The following CCDC172 variants were observed in gnomAD, a reference collection of about 807,000 sequenced individuals.
The protein encoded by CCDC172 is coiled-coil domain containing 172, also known as coiled-coil domain-containing protein 172.
CCDC172 carries 30 observed loss-of-function variants against 38.0 expected under a neutral mutation model. That is an observed-to-expected ratio of 0.79 (90% CI 0.59 to 1.07). The LOEUF is 1.07. Ranked by LOEUF, CCDC172 falls within the 50% of genes least tolerant of loss-of-function variation. CCDC172 has a pLI of 0.00. For missense variants in CCDC172, 297 were observed against 290.1 expected (o/e 1.02, Z -0.17); for synonymous variants, 78 against 88.3 (o/e 0.88, Z 0.66).
At position 116,353,533 on chromosome 10, in the gene CCDC172, A is replaced by G. The variant is rs779636916; in HGVS notation, c.449-3847A>G. ...ATTAAAAACTCTTACAACTTAATAA[A>G]AAGATAACCCAATTTAAAAATGGAC... is the stretch of plus-strand genomic sequence containing the variant. On this transcript the variant is annotated intron_variant, in intron 5 of 8. Transcript: ENST00000333254. 1.1e-4 allele frequency among the ~76,000 whole-genome samples: 16 copies of G among 152,140 alleles called. No homozygotes were observed. The South Asian group carries it at 1.2e-3, about 12-fold the overall frequency.
At chr10:116,328,632 T>G (rs1177859227) in intron 3 of CCDC172, among the ~76,000 whole-genome samples, 1 of 152,186 alleles carries the variant, frequency 6.6e-6, no homozygotes, top group African/African-American at 2.4e-5. Flanking sequence ...TTTCCAATTT[T>G]AACTTGTGTA....
intron 3 of CCDC172, among the ~76,000 whole-genome samples, chr10:116,337,379 T>C (rs1844744470): frequency 6.6e-6 from 1 of 152,090 alleles, no homozygotes; most frequent in Admixed American, 6.6e-5. Flanking sequence ...CTCAAACTCC[T>C]GACCAGGTGA....
chr10:116,374,788 A>C (rs1845226339), intron 7 of CCDC172, among the ~76,000 whole-genome samples: 3 of 152,064 alleles, frequency 2.0e-5, no homozygotes, highest in African/African-American at 7.2e-5. Context: ...AAATGGTCTA[A>C]ATATGCCAAG....
At chr10:116,376,092 C>G (rs1426099309) in intron 7 of CCDC172, among the ~76,000 whole-genome samples, 1 of 152,212 alleles carries the variant, frequency 6.6e-6, no homozygotes, top group East Asian at 1.9e-4. Flanking sequence ...TATTGTAGCA[C>G]TGTTCACAAT....
chr10:116,360,714 G>A (rs1845052851), intron 7 of CCDC172, among the ~76,000 whole-genome samples: 1 of 152,002 alleles, frequency 6.6e-6, no homozygotes, highest in South Asian at 2.1e-4. Context: ...CTGTCTCTTT[G>A]GAACATTGCC....
intron 5 of CCDC172, among the ~76,000 whole-genome samples, chr10:116,344,557 C>A (rs955768137): frequency 6.6e-6 from 1 of 152,044 alleles, no homozygotes; most frequent in Non-Finnish European, 1.5e-5. Flanking sequence ...TTGCTCTGGG[C>A]GAGTCAGTGA....
chr10:116,334,622 AT>A (rs1844707386), intron 3 of CCDC172, among the ~76,000 whole-genome samples: 1 of 151,980 alleles, frequency 6.6e-6, no homozygotes, highest in Admixed American at 6.6e-5. Context: ...CTAATTTCTT[AT>A]TGATAAGTAT....
At chr10:116,355,499 A>G (rs1301418076) in intron 5 of CCDC172, among the ~76,000 whole-genome samples, 1 of 152,198 alleles carries the variant, frequency 6.6e-6, no homozygotes, top group Non-Finnish European at 1.5e-5. Flanking sequence ...CCTGTTGTCA[A>G]ACAACACATG....
At chr10:116,356,377 G>A (rs1228737210) in intron 5 of CCDC172, among the ~76,000 whole-genome samples, 1 of 130,972 alleles carries the variant, frequency 7.6e-6, no homozygotes, top group Non-Finnish European at 1.5e-5. Context: ...AGGAAGAAGA[G>A]GGGAGGGAGG....
intron 7 of CCDC172, among the ~76,000 whole-genome samples, chr10:116,366,838 T>G (rs1436008058): frequency 6.6e-6 from 1 of 152,222 alleles, no homozygotes; most frequent in Non-Finnish European, 1.5e-5. Flanking sequence ...TTAAAGACTT[T>G]TTAGTTTTTG....
intron 7 of CCDC172, among the ~76,000 whole-genome samples, chr10:116,368,592 A>G (rs528628596): frequency 3.2e-4 from 48 of 152,034 alleles, no homozygotes; most frequent in Middle Eastern, 3.4e-3. Context: ...GTTTTTAAAA[A>G]CCACTTTTTT....
intron 7 of CCDC172, among the ~76,000 whole-genome samples, chr10:116,376,516 A>T (rs923948493): frequency 2.0e-5 from 3 of 152,164 alleles, no homozygotes; most frequent in South Asian, 2.1e-4. Context: ...TGGAAAACTT[A>T]CTTTTACTAT....
chr10:116,354,773 T>C (rs1375899334), intron 5 of CCDC172, among the ~76,000 whole-genome samples: 2 of 152,310 alleles, frequency 1.3e-5, no homozygotes, highest in East Asian at 3.9e-4. Context: ...GACAGCTCCA[T>C]CCATGTTATT....
intron 5 of CCDC172, among the ~76,000 whole-genome samples, chr10:116,344,265 G>T (rs545843414): frequency 6.6e-6 from 1 of 152,134 alleles, no homozygotes; most frequent in African/African-American, 2.4e-5. Context: ...CAGTATCATC[G>T]TGTGAACATC....
At chr10:116,342,266 TTTTCCAA>T in intron 5 of CCDC172, 65 bp downstream of exon 5, 1 of 1,443,462 alleles carries the variant, frequency 6.9e-7, no homozygotes. Flanking sequence ...AATGAATGAA[TTTTCCAA>T]AAATTTAACT....
chr10:116,347,262 C>A (rs971523259), intron 5 of CCDC172, among the ~76,000 whole-genome samples: 1 of 152,130 alleles, frequency 6.6e-6, no homozygotes, highest in African/African-American at 2.4e-5. Flanking sequence ...GAACACGTTA[C>A]TGAGTGGAGT....
At chr10:116,352,028 A>C (rs1042803960) in intron 5 of CCDC172, among the ~76,000 whole-genome samples, 4 of 152,192 alleles carry the variant, frequency 2.6e-5, no homozygotes, top group African/African-American at 9.6e-5. Flanking sequence ...CACTGGGCTG[A>C]GTAAAGAAAA....
intron 5 of CCDC172, among the ~76,000 whole-genome samples, chr10:116,355,313 G>C (rs2134946045): frequency 6.6e-6 from 1 of 152,242 alleles, no homozygotes; most frequent in East Asian, 1.9e-4. Context: ...TTATTACGGT[G>C]TGCCTACAGT....
chr10:116,357,681 C>T (rs1013848060), intron 6 of CCDC172, among the ~76,000 whole-genome samples, 155 bp from the exon 7 acceptor site: 1 of 151,812 alleles, frequency 6.6e-6, no homozygotes, highest in African/African-American at 2.4e-5. Context: ...CTTTTTTGTG[C>T]ATGTAATTGC....
Sources: allele counts gnomAD v4.1 joint callset (sites outside exome capture counted in the v4.1 genomes callset), GRCh38; gene constraint gnomAD v4.1.1; transcripts MANE v1.5; gene names NCBI Gene and HGNC (gene_info 2026-07-23, HGNC 2026-07-21).